Variants in DSCAML1 observed in about 807,000 individuals in gnomAD.
The protein encoded by DSCAML1 is DS cell adhesion molecule like 1.
DSCAML1 carries 38 observed loss-of-function variants against 200.5 expected under a neutral mutation model. That is an observed-to-expected ratio of 0.19 (90% CI 0.15 to 0.25). The LOEUF is 0.25. Among genes scored for constraint, DSCAML1 ranks in the 10% least tolerant of loss-of-function variants. DSCAML1 has a pLI of 1.00. For missense variants in DSCAML1, 2,223 were observed against 2,858.8 expected (o/e 0.78, Z 5.07); for synonymous variants, 1,215 against 1,165.0 (o/e 1.04, Z -0.87).
chr11:117,436,984 C>T (rs1565676103), intron 26 of DSCAML1, 138 bp downstream of exon 26: 3 of 1,252,284 alleles, frequency 2.4e-6, no homozygotes, highest in Non-Finnish European at 3.2e-6. Flanking sequence ...CCTTCACCTG[C>T]AGGCCAGCAT....
chr11:117,763,740 G>C (rs2054846532), intron 3 of DSCAML1, among the ~76,000 whole-genome samples: 1 of 151,942 alleles, frequency 6.6e-6, no homozygotes, highest in Non-Finnish European at 1.5e-5. Flanking sequence ...GCAGATGCCT[G>C]GGTTTCACTG....
At chr11:117,553,221 C>G (rs686598) in intron 3 of DSCAML1, among the ~76,000 whole-genome samples, 90,137 of 152,048 alleles carry the variant, frequency 0.59, 27,087 homozygotes, top group Admixed American at 0.65. Context: ...TACACTGGAT[C>G]TGGCAACAAT....
At chr11:117,495,545 G>A (rs866162722) in intron 11 of DSCAML1, among the ~76,000 whole-genome samples, 2 of 152,104 alleles carry the variant, frequency 1.3e-5, no homozygotes, top group Non-Finnish European at 2.9e-5. Flanking sequence ...CCAATCACAC[G>A]AGTCATGAGT....
intron 14 of DSCAML1, among the ~76,000 whole-genome samples, chr11:117,474,250 C>A (rs1016148710): frequency 6.6e-6 from 1 of 152,128 alleles, no homozygotes; most frequent in Non-Finnish European, 1.5e-5. Context: ...TGGGTGTATT[C>A]AACACTTGGA....
intron 3 of DSCAML1, among the ~76,000 whole-genome samples, chr11:117,575,640 T>C (rs2050918416): frequency 6.6e-6 from 1 of 152,142 alleles, no homozygotes; most frequent in African/African-American, 2.4e-5. Flanking sequence ...GGCAGAGCTT[T>C]GCTCTCTACA....
Position 117,518,256 on chromosome 11 carries a change from G to A in DSCAML1, c.1510+210C>T, listed in dbSNP as rs2049814618. Among the ~76,000 whole-genome samples the A allele has an allele frequency of 6.6e-6, 1 of 152,038 alleles. No individual in the cohort carries two copies. Among genetic ancestry groups the A allele is most frequent in the East Asian group, 1.9e-4 (1 of 5,182 alleles). On this transcript the variant is annotated intron_variant, in intron 7 of 32. Transcript: ENST00000651296. The surrounding 1 kb of genome is among the most constrained non-coding windows in gnomAD (Gnocchi z 6.3). ...AGGGGGAATGGGGAGGTGAATGAGG[G>A]TGAACTGTACCAGACACACACACGC...
chr11:117,780,248 G>GAAAA lies in DSCAML1; in HGVS notation c.364+244_364+245insTTTT, dbSNP rs750717030. On this transcript the variant is annotated intron_variant, in intron 2 of 32. Coordinates refer to ENST00000651296, the MANE Select transcript of DSCAML1 (RefSeq NM_020693.4). This position sits in a 1 kb window ranked among gnomAD's most constrained non-coding sequence, Gnocchi z 4.8. ...GAAAGAAAGGAAAGAAAGAAAGAAAGAAAGAAAGAAAGAAAGAAAGAAAGA... is the reference window on the plus strand; with the variant it reads ...GAAAGAAAGGAAAGAAAGAAAGAAAGAAAAAAAGAAAGAAAGAAAGAAAGAAAGA... 1.3e-5 allele frequency among the ~76,000 whole-genome samples: 1 copy of GAAAA among 76,670 alleles called. No homozygotes were observed. Among genetic ancestry groups the GAAAA allele is most frequent in the Non-Finnish European group, 3.0e-5 (1 of 33,182 alleles). 50.3% of individuals were successfully genotyped at this position (76,670 alleles called of 152,430 possible). A position where few individuals can be genotyped will look rare whatever the true frequency, so the allele number is the denominator to read the frequency against.
intron 3 of DSCAML1, among the ~76,000 whole-genome samples, chr11:117,732,892 A>G (rs990450642): frequency 6.6e-6 from 1 of 152,164 alleles, no homozygotes; most frequent in Non-Finnish European, 1.5e-5. Flanking sequence ...GAACGTCGGT[A>G]TGATAATAAC....
At chr11:117,673,455 G>T (rs2053151134) in intron 3 of DSCAML1, among the ~76,000 whole-genome samples, 1 of 152,118 alleles carries the variant, frequency 6.6e-6, no homozygotes, top group Admixed American at 6.5e-5. Flanking sequence ...GCTTTTCATG[G>T]GGGTTTATCC....
chr11:117,786,773 C>A (rs1298082655), intron 1 of DSCAML1, among the ~76,000 whole-genome samples: 1 of 152,172 alleles, frequency 6.6e-6, no homozygotes, highest in African/African-American at 2.4e-5. Context: ...TCTTCCCTTA[C>A]AATATTTACT....
intron 3 of DSCAML1, among the ~76,000 whole-genome samples, chr11:117,597,703 G>A (rs1433189184): frequency 6.6e-6 from 1 of 152,012 alleles, no homozygotes; most frequent in Admixed American, 6.6e-5. Flanking sequence ...TGATCCACCC[G>A]CTTCGGCCTC....
chr11:117,558,570 A>G (rs2050601438), intron 3 of DSCAML1, among the ~76,000 whole-genome samples: 1 of 152,206 alleles, frequency 6.6e-6, no homozygotes, highest in Admixed American at 6.5e-5. Flanking sequence ...GCTCAACACC[A>G]GCCTGGGCAA....
intron 3 of DSCAML1, among the ~76,000 whole-genome samples, chr11:117,695,493 C>A (rs1332737817): frequency 6.6e-6 from 1 of 151,748 alleles, no homozygotes; most frequent in Non-Finnish European, 1.5e-5. Context: ...AGAGAGCACA[C>A]GTAGAACAAG....
At chr11:117,432,792 G>A (rs1485109660) in intron 29 of DSCAML1, among the ~76,000 whole-genome samples, 1 of 148,498 alleles carries the variant, frequency 6.7e-6, no homozygotes, top group East Asian at 2.0e-4. Flanking sequence ...TTTTTTTGTG[G>A]TAGAAATGGG....
At chr11:117,786,839 C>A (rs772235914) in intron 1 of DSCAML1, among the ~76,000 whole-genome samples, 14 of 152,152 alleles carry the variant, frequency 9.2e-5, no homozygotes, top group Non-Finnish European at 1.5e-4. Context: ...GGGGCCCCTG[C>A]CACACCCCCT....
intron 3 of DSCAML1, among the ~76,000 whole-genome samples, chr11:117,716,412 A>G (rs1035087042): frequency 6.6e-6 from 1 of 152,212 alleles, no homozygotes; most frequent in Admixed American, 6.5e-5. Context: ...GCGGGTCACC[A>G]AACAAGAGCT....
At chr11:117,453,742 CTTTCTTTT>C (rs1363486996) in intron 19 of DSCAML1, among the ~76,000 whole-genome samples, 7 of 138,454 alleles carry the variant, frequency 5.1e-5, no homozygotes, top group Non-Finnish European at 1.1e-4. Flanking sequence ...TTCTTTCTTT[CTTTCTTTT>C]TTTTTTTTTT....
At position 117,486,324 on chromosome 11, in the gene DSCAML1, C is replaced by T. The variant is rs944943511; in HGVS notation, c.2360-4162G>A. On this transcript the variant is annotated intron_variant, in intron 11 of 32. Coordinates refer to ENST00000651296, the MANE Select transcript of DSCAML1 (RefSeq NM_020693.4). The stretch of plus-strand genomic sequence containing the variant: ...GTGAAAGTAGTGGATGTGAAAGTAG[C>T]GGATGTGAAAATGGCGGATGTGATA... Among the ~76,000 whole-genome samples the T allele has an allele frequency of 4.7e-5, 7 of 149,364 alleles. No individual in the cohort carries two copies. In the East Asian group the frequency reaches 5.9e-4, roughly 13 times the overall value.
intron 3 of DSCAML1, among the ~76,000 whole-genome samples, chr11:117,772,807 G>C (rs1259330149): frequency 6.6e-6 from 1 of 152,210 alleles, no homozygotes; most frequent in African/African-American, 2.4e-5. Context: ...CCCCAACCCT[G>C]CCAGCCTTGG....
Sources: gnomAD v4.1 joint callset for allele counts (sites outside exome capture counted in the v4.1 genomes callset) on GRCh38, gnomAD v4.1.1 for gene constraint, Gnocchi (gnomAD v3.1) non-coding constraint, MANE v1.5 for transcripts, NCBI Gene and HGNC (gene_info 2026-07-23, HGNC 2026-07-21) for gene names.